The following ESRP1 variants were observed in gnomAD, a reference collection of about 807,000 sequenced individuals.
ESRP1 encodes RNA-binding motif protein 35A.
In ESRP1, 33 loss-of-function variants were observed where a neutral mutation model predicts 81.7. That is an observed-to-expected ratio of 0.40 (90% CI 0.31 to 0.54). The LOEUF is 0.54. ESRP1 is among the 20% of genes least tolerant of loss of function. The pLI is 0.41. For synonymous variants in ESRP1, 320 were observed against 303.3 expected, an observed-to-expected ratio of 1.06 and a Z score of -0.57; for missense variants, 672 against 833.1, an observed-to-expected ratio of 0.81 and a Z score of 2.38.
intron 15 of ESRP1, chr8:94,705,680 T>C (rs17645441): frequency 0.17 from 80,812 of 467,280 alleles, 8,352 homozygotes; most frequent in Non-Finnish European, 0.22. Flanking sequence ...CTACAAAGGG[T>C]AGGAGTGGTG....
At chr8:94,679,404 C>G (rs1412200604) in intron 13 of ESRP1, among the ~76,000 whole-genome samples, 1 of 152,150 alleles carries the variant, frequency 6.6e-6, no homozygotes, top group Admixed American at 6.5e-5. Flanking sequence ...CTCTCTGGAC[C>G]CTGTGATAAT....
chr8:94,678,808 C>T (rs1416770487), intron 13 of ESRP1, among the ~76,000 whole-genome samples: 2 of 152,162 alleles, frequency 1.3e-5, no homozygotes, highest in African/African-American at 4.8e-5. Flanking sequence ...TTCTTTTCCT[C>T]CTAAATCTTT....
intron 4 of ESRP1, among the ~76,000 whole-genome samples, chr8:94,655,087 G>GTGTT (rs1563521800): frequency 6.8e-6 from 1 of 146,850 alleles, no homozygotes; most frequent in African/African-American, 2.5e-5. Flanking sequence ...GTGTGTGTGT[G>GTGTT]TTTTGTTTTG....
chr8:94,703,053 T>C (rs1310979841), intron 15 of ESRP1, among the ~76,000 whole-genome samples: 1 of 152,152 alleles, frequency 6.6e-6, no homozygotes, highest in African/African-American at 2.4e-5. Context: ...ATTCTCAACT[T>C]TGTTTGCTAT....
chr8:94,691,517 T>C lies in ESRP1; in HGVS notation c.1821-1160T>C, dbSNP rs148916670. Among the ~76,000 whole-genome samples, 935 of 152,226 alleles carry C rather than the reference T, an allele frequency of 6.1e-3. 8 individuals are homozygous for C. Among genetic ancestry groups the C allele is most frequent in the African/African-American group, 0.021 (873 of 41,528 alleles). The stretch of plus-strand genomic sequence containing the variant: ...TTAAGTCACTGAAGCTGAAGAGCAG[T>C]TCTGTGAAACTAGGAAAGTGCTGAT... On this transcript the variant is annotated intron_variant, in intron 13 of 15. Coordinates refer to ENST00000433389, the MANE Select transcript of ESRP1 (RefSeq NM_017697.4).
chr8:94,650,111 A>T (rs3133634), intron 4 of ESRP1, among the ~76,000 whole-genome samples: 111,468 of 152,096 alleles, frequency 0.73, 42,618 homozygotes, highest in East Asian at 1. Flanking sequence ...TGACATGTCA[A>T]TATTACCCAA....
chr8:94,661,065 C>G (rs751664546), intron 4 of ESRP1, among the ~76,000 whole-genome samples: 23 of 152,100 alleles, frequency 1.5e-4, no homozygotes, highest in Admixed American at 3.3e-4. Flanking sequence ...TTTTTGGAGA[C>G]AGAGTCTACC....
intron 4 of ESRP1, among the ~76,000 whole-genome samples, chr8:94,650,207 G>A (rs1818052820): frequency 6.6e-6 from 1 of 151,910 alleles, no homozygotes; most frequent in Non-Finnish European, 1.5e-5. Flanking sequence ...ATCTACCATT[G>A]TGGTATCAAA....
chr8:94,695,922 G>A (rs908990175), intron 14 of ESRP1, among the ~76,000 whole-genome samples: 2 of 152,094 alleles, frequency 1.3e-5, no homozygotes, highest in Admixed American at 6.6e-5. Flanking sequence ...AAGTAGCCAC[G>A]CATGGTGGTG....
At chr8:94,685,317 T>C (rs1450001665) in intron 13 of ESRP1, among the ~76,000 whole-genome samples, 3 of 152,142 alleles carry the variant, frequency 2.0e-5, no homozygotes, top group African/African-American at 7.2e-5. Context: ...CTGTATATTA[T>C]AAAAATAGAC....
At chr8:94,703,995 T>C (rs1809953569) in intron 15 of ESRP1, among the ~76,000 whole-genome samples, 1 of 152,210 alleles carries the variant, frequency 6.6e-6, no homozygotes, top group South Asian at 2.1e-4. Flanking sequence ...TTTCAGCATG[T>C]GGTATTTTAA....
chr8:94,696,797 C>A, intron 14 of ESRP1, 55 bp from the exon 15 acceptor site: 1 of 1,322,548 alleles, frequency 7.6e-7, no homozygotes, highest in Non-Finnish European at 1.0e-6. Flanking sequence ...GAAATATTAT[C>A]CATAGTGACA....
intron 6 of ESRP1, 148 bp downstream of exon 6, chr8:94,662,703 G>T: frequency 1.6e-6 from 1 of 611,544 alleles, no homozygotes; most frequent in Non-Finnish European, 2.8e-6. Flanking sequence ...CGCCTCCCGG[G>T]TTCATGCCAT....
intron 13 of ESRP1, among the ~76,000 whole-genome samples, chr8:94,689,818 T>TTTTTTTTTTTTTTA (rs1215243338): frequency 2.0e-5 from 1 of 49,520 alleles, no homozygotes; most frequent in Non-Finnish European, 5.1e-5. Context: ...TGGCTTTTTT[T>TTTTTTTTTTTTTTA]TTTTTTTTTT....
intron 1 of ESRP1, chr8:94,641,658 C>G: frequency 1.3e-6 from 1 of 770,848 alleles, no homozygotes; most frequent in Non-Finnish European, 2.0e-6. Context: ...CAACTTAGCT[C>G]AGGTGGAGAG....
At chr8:94,696,780 T>C (rs1483693328) in intron 14 of ESRP1, 72 bp from the exon 15 acceptor site, 1 of 1,209,336 alleles carries the variant, frequency 8.3e-7, no homozygotes, top group Non-Finnish European at 1.2e-6. Flanking sequence ...GGTAGATCTA[T>C]TTAGCTGAAA....
At position 94,674,420 on chromosome 8, in the gene ESRP1, A is replaced by T; in HGVS notation, c.1565A>T (p.Gln522Leu). Residue 522 changes from glutamine to leucine, a missense_variant, in exon 12 of 16, where the codon CAG (glutamine) becomes CTG (leucine). Transcript: ENST00000433389. ...NMKDRYVEVF[Q>L]CSAEEMNFVL... ...AAGGACAGATATGTTGAAGTCTTTCAGTGTTCAGCTGAGGAGATGAACTTT... is the reference window on the plus strand; with the variant it reads ...AAGGACAGATATGTTGAAGTCTTTCTGTGTTCAGCTGAGGAGATGAACTTT... 2 of 1,614,054 alleles carry T rather than the reference A, an allele frequency of 1.2e-6. No homozygotes were observed. Among genetic ancestry groups the T allele is most frequent in the Non-Finnish European group, 1.7e-6 (2 of 1,179,902 alleles).
At position 94,642,022 on chromosome 8, in the gene ESRP1, G is replaced by C; in HGVS notation, c.199G>C (p.Glu67Gln). Residue 67 changes from glutamate (E) to glutamine (Q), a missense_variant, in exon 2 of 16, where the codon GAA (glutamate) becomes CAA (glutamine). Physicochemically the swap from Glu to Gln is conservative, Grantham distance 29. Transcript: ENST00000433389. The stretch of plus-strand genomic sequence containing the variant: ...GGAACTGACGGAGGACTGCAAAGAA[G>C]AAACTAAAATAGACGTCGAAAGCCT... ...QLELTEDCKE[E>Q]TKIDVESLSS... 6.2e-7 allele frequency: 1 copy of C among 1,613,996 alleles called. No individual in the cohort carries two copies. The highest frequency in any genetic ancestry group is 1.7e-4 in the Middle Eastern group (1 of 6,048).
chr8:94,668,260 A>C lies in ESRP1; in HGVS notation c.1233+10A>C. The C allele has an allele frequency of 1.9e-6, 3 of 1,566,034 alleles. No homozygotes were observed. Among genetic ancestry groups the C allele is most frequent in the Non-Finnish European group, 2.6e-6 (3 of 1,153,810 alleles). ...AGCTGAAGTTCAGCAGGTTGGTTTT[A>C]AAAACAAGTATGTTGTACCTTTGCA... On this transcript the variant is annotated intron_variant, in intron 10 of 15. Coordinates refer to ENST00000433389, the MANE Select transcript of ESRP1 (RefSeq NM_017697.4).
Sources: gnomAD v4.1 joint callset for allele counts (sites outside exome capture counted in the v4.1 genomes callset) on GRCh38, gnomAD v4.1.1 for gene constraint, MANE v1.5 for transcripts, NCBI Gene and HGNC (gene_info 2026-07-23, HGNC 2026-07-21) for gene names.